The following CSMD2 variants were observed in gnomAD, a reference collection of about 807,000 sequenced individuals.
CSMD2 encodes the protein CUB and Sushi multiple domains 2.
In CSMD2, 130 loss-of-function variants were observed where a neutral mutation model predicts 398.5. That is an observed-to-expected ratio of 0.33 (90% CI 0.28 to 0.38). CSMD2 has a LOEUF of 0.38. Among genes scored for constraint, CSMD2 ranks in the 10% least tolerant of loss-of-function variants. The probability of loss-of-function intolerance (pLI) is 1.00; values close to 1 mark genes in which losing one functional copy is unlikely to be tolerated. For synonymous variants in CSMD2, 1,828 were observed against 1,908.5 expected (o/e 0.96, Z 1.10); for missense variants, 3,829 against 4,764.9 (o/e 0.80, Z 5.78).
chr1:33,570,453 C>T (rs1288493128), intron 51 of CSMD2, among the ~76,000 whole-genome samples: 4 of 151,900 alleles, frequency 2.6e-5, no homozygotes, highest in Non-Finnish European at 5.9e-5. Flanking sequence ...GATCTATGCC[C>T]AACCTGGATC....
At chr1:33,569,305 A>G (rs2148685200) in intron 52 of CSMD2, 69 bp downstream of exon 52, 2 of 1,469,050 alleles carry the variant, frequency 1.4e-6, no homozygotes, top group African/African-American at 2.8e-5. Flanking sequence ...ACTGGATCTC[A>G]GCTTTGGAAA....
intron 3 of CSMD2, among the ~76,000 whole-genome samples, chr1:33,981,380 C>T (rs1646161299): frequency 6.6e-6 from 1 of 152,138 alleles, no homozygotes; most frequent in South Asian, 2.1e-4. Context: ...TTGCCATCCT[C>T]GTTATTTGCA....
intron 15 of CSMD2, among the ~76,000 whole-genome samples, chr1:33,730,363 A>T (rs477385): frequency 0.011 from 1,727 of 152,356 alleles, 27 homozygotes; most frequent in African/African-American, 0.039. Context: ...TAGGGATAGA[A>T]GCTAGGCTTT....
At chr1:33,670,510 T>A (rs567794683) in intron 25 of CSMD2, among the ~76,000 whole-genome samples, 3 of 152,306 alleles carry the variant, frequency 2.0e-5, no homozygotes, top group East Asian at 3.9e-4. Context: ...TCTGAGCTCT[T>A]CCTTTACCAT....
At chr1:34,076,671 T>C (rs1186425772) in intron 2 of CSMD2, among the ~76,000 whole-genome samples, 2 of 152,106 alleles carry the variant, frequency 1.3e-5, no homozygotes, top group African/African-American at 4.8e-5. Context: ...GTAGGAGTAT[T>C]CCTTTTGTTT....
intron 3 of CSMD2, among the ~76,000 whole-genome samples, chr1:34,008,763 C>T (rs965085459): frequency 2.0e-5 from 3 of 152,158 alleles, no homozygotes; most frequent in Non-Finnish European, 4.4e-5. Context: ...AACATCTCTT[C>T]CCCTACTAGG....
intron 6 of CSMD2, among the ~76,000 whole-genome samples, chr1:33,832,635 A>G (rs1483736015): frequency 2.0e-5 from 3 of 150,400 alleles, no homozygotes; most frequent in African/African-American, 7.4e-5. Flanking sequence ...GCAGAAGGCA[A>G]GAAATAACTA....
intron 5 of CSMD2, among the ~76,000 whole-genome samples, chr1:33,890,233 T>C (rs1476804147): frequency 2.1e-4 from 2 of 9,430 alleles, no homozygotes; most frequent in Non-Finnish European, 3.9e-4. Context: ...TTTTTCTTTC[T>C]TTTTTTTTTT....
rs1570066215 is a variant in CSMD2 at position 33,811,071 on chromosome 1, G to A, written c.1325-207C>T. Among the ~76,000 whole-genome samples, 4 of 152,160 alleles carry A rather than the reference G, an allele frequency of 2.6e-5. No individual in the cohort carries two copies. In the South Asian group the frequency reaches 8.3e-4, roughly 32 times the overall value. On this transcript the variant is annotated intron_variant, in intron 9 of 70. Transcript: ENST00000373381. ...GAGCACTGTGACTGCTGTTCTGTAGGCAATGATGAACTTCTAAGGCAGGCT... is the reference window on the plus strand; with the variant it reads ...GAGCACTGTGACTGCTGTTCTGTAGACAATGATGAACTTCTAAGGCAGGCT...
At chr1:33,730,993 A>C (rs1646698855) in intron 15 of CSMD2, among the ~76,000 whole-genome samples, 1 of 152,196 alleles carries the variant, frequency 6.6e-6, no homozygotes, top group African/African-American at 2.4e-5. Context: ...AGGAGAAATA[A>C]CTGATTCTGG....
At chr1:34,165,276 G>T, upstream of CSMD2, 1 of 1,190,880 alleles carries the variant, frequency 8.4e-7, no homozygotes, top group Non-Finnish European at 1.0e-6. Flanking sequence ...TGCGCTCTCG[G>T]AAATGACTCG....
intron 5 of CSMD2, chr1:33,870,833 C>T (rs530519517): frequency 6.6e-6 from 1 of 152,350 alleles, no homozygotes; most frequent in Admixed American, 6.5e-5. Flanking sequence ...CTATGAAAGG[C>T]TGTGACCGCT....
chr1:33,704,530 G>A (rs981170420), intron 22 of CSMD2, among the ~76,000 whole-genome samples: 2 of 152,168 alleles, frequency 1.3e-5, no homozygotes, highest in East Asian at 3.8e-4. Context: ...TCATGAGTGG[G>A]TGTTGAACTT....
intron 13 of CSMD2, among the ~76,000 whole-genome samples, chr1:33,754,616 C>T (rs770780391): frequency 5.3e-5 from 8 of 152,162 alleles, no homozygotes; most frequent in Non-Finnish European, 1.0e-4. Flanking sequence ...GTAAGTACTG[C>T]TTGTGAAATG....
chr1:33,862,820 A>G (rs1639642727), intron 5 of CSMD2: 1 of 152,192 alleles, frequency 6.6e-6, no homozygotes, highest in African/African-American at 2.4e-5. Flanking sequence ...CTGGGCAAGA[A>G]TTCAGGATTG....
At chr1:33,896,085 A>G (rs1558068181) in intron 5 of CSMD2, among the ~76,000 whole-genome samples, 1 of 152,208 alleles carries the variant, frequency 6.6e-6, no homozygotes, top group Non-Finnish European at 1.5e-5. Context: ...AGCACTTTAC[A>G]TATTAATCAG....
At chr1:33,563,393 G>A (rs1372291337) in intron 53 of CSMD2, among the ~76,000 whole-genome samples, 2 of 152,112 alleles carry the variant, frequency 1.3e-5, no homozygotes. Flanking sequence ...TTCTACTGAG[G>A]TGGGAGAGAA....
chr1:33,751,208 A>G (rs558899411), intron 13 of CSMD2, among the ~76,000 whole-genome samples: 23 of 144,178 alleles, frequency 1.6e-4, no homozygotes, highest in East Asian at 8.0e-4. Context: ...TTGAGTTGGG[A>G]AAAAAAAAAA....
chr1:34,022,583 A>G (rs1294013606), intron 3 of CSMD2, among the ~76,000 whole-genome samples: 2 of 152,220 alleles, frequency 1.3e-5, no homozygotes, highest in African/African-American at 2.4e-5. Context: ...GCTGTTGTAC[A>G]CAGGGGCAGC....
Sources: gnomAD v4.1 joint callset for allele counts (sites outside exome capture counted in the v4.1 genomes callset) on GRCh38, gnomAD v4.1.1 for gene constraint, MANE v1.5 for transcripts, NCBI Gene and HGNC (gene_info 2026-07-23, HGNC 2026-07-21) for gene names.